The following AAGAB variants were observed in gnomAD, a reference collection of about 807,000 sequenced individuals.
AAGAB encodes the protein alpha and gamma adaptin binding protein, also known as alpha- and gamma-adaptin-binding protein p34.
AAGAB carries 38 observed loss-of-function variants against 44.1 expected under a neutral mutation model. The ratio of observed to expected loss-of-function variants is 0.86; its 90% CI spans 0.67 to 1.13. The LOEUF is 1.13. Among genes scored for constraint, AAGAB ranks in the 50% most tolerant of loss-of-function variants. The pLI is 0.00. For synonymous variants in AAGAB, 131 were observed against 131.8 expected (o/e 0.99, Z 0.04); for missense variants, 450 against 373.8 (o/e 1.20, Z -1.68).
intron 5 of AAGAB, among the ~76,000 whole-genome samples, chr15:67,230,161 G>T (rs1385052829): frequency 6.6e-6 from 1 of 151,918 alleles, no homozygotes; most frequent in South Asian, 2.1e-4. Context: ...TGTAAAATAT[G>T]ATTTTTCTCA....
chr15:67,236,888 C>A, intron 1 of AAGAB, 68 bp from the exon 2 acceptor site: 2 of 1,256,216 alleles, frequency 1.6e-6, no homozygotes, highest in Non-Finnish European at 1.1e-6. Flanking sequence ...TTTTCTCAGT[C>A]AGATACCAGA....
At position 67,204,109 on chromosome 15, in the gene AAGAB, A is replaced by G. The variant is rs1285985510; in HGVS notation, c.755T>C (p.Leu252Pro). The stretch of plus-strand genomic sequence containing the variant: ...CTCCACATCTCCTCCTCCAGTGGTA[A>G]GACTGGCTAATTCTTGAATATCCAG... ...LDLDIQELASLTTGGGDVENF... is the reference protein window; with the variant it reads ...LDLDIQELASPTTGGGDVENF... The change falls in exon 8 of 10, where the codon CTT becomes CCT. Residue 252 changes from leucine (L) to proline (P), a missense_variant. Physicochemically the swap from Leu to Pro is moderately conservative, Grantham distance 98. Coordinates refer to ENST00000261880, the MANE Select transcript of AAGAB (RefSeq NM_024666.5). 2.5e-6 allele frequency: 4 copies of G among 1,612,158 alleles called. No individual in the cohort carries two copies. The highest frequency in any genetic ancestry group is 2.2e-5 in the East Asian group (1 of 44,888).
intron 1 of AAGAB, among the ~76,000 whole-genome samples, chr15:67,240,461 C>G (rs1391391573): frequency 6.6e-6 from 1 of 152,180 alleles, no homozygotes; most frequent in East Asian, 1.9e-4. Flanking sequence ...TGTAATACAT[C>G]ATTTTTTAAG....
intron 1 of AAGAB, among the ~76,000 whole-genome samples, chr15:67,247,454 A>C (rs1018095993): frequency 6.6e-6 from 1 of 152,236 alleles, no homozygotes; most frequent in Non-Finnish European, 1.5e-5. Context: ...GCCATACAAA[A>C]ACAAAGCAGT....
intron 5 of AAGAB, among the ~76,000 whole-genome samples, chr15:67,218,240 C>A (rs1289832832): frequency 6.6e-6 from 1 of 152,204 alleles, no homozygotes; most frequent in African/African-American, 2.4e-5. Flanking sequence ...TCCTTGCTCT[C>A]TCCTCCACGG....
chr15:67,231,790 T>C, intron 5 of AAGAB, 24 bp downstream of exon 5: 1 of 1,567,090 alleles, frequency 6.4e-7, no homozygotes, highest in Non-Finnish European at 8.8e-7. Flanking sequence ...AGGAAAAAAA[T>C]GACTTGAGTC....
intron 5 of AAGAB, chr15:67,220,645 T>C (rs773602651): frequency 2.6e-5 from 4 of 152,172 alleles, no homozygotes; most frequent in Non-Finnish European, 5.9e-5. Flanking sequence ...AAAATAATGC[T>C]CCTTATTAAG....
intron 5 of AAGAB, among the ~76,000 whole-genome samples, chr15:67,223,573 G>A (rs540512608): frequency 5.3e-5 from 8 of 152,068 alleles, no homozygotes; most frequent in South Asian, 2.1e-4. Context: ...GCCCCAATCT[G>A]AGCCATCACT....
At chr15:67,247,649 A>G (rs1964759432) in intron 1 of AAGAB, among the ~76,000 whole-genome samples, 1 of 152,172 alleles carries the variant, frequency 6.6e-6, no homozygotes, top group East Asian at 1.9e-4. Flanking sequence ...ATGAAAGGAC[A>G]CCTTATAATC....
intron 4 of AAGAB, among the ~76,000 whole-genome samples, chr15:67,233,526 G>A (rs572303469): frequency 3.3e-5 from 5 of 152,324 alleles, no homozygotes; most frequent in East Asian, 1.9e-4. Flanking sequence ...AAAGTTTCCC[G>A]AGTTTACAGA....
Position 67,204,104 on chromosome 15 carries a change from TG to T in AAGAB, c.759del (p.Thr254LeufsTer16). 6.2e-7 allele frequency: 1 copy of T among 1,612,560 alleles called. No individual in the cohort carries two copies. Among genetic ancestry groups the T allele is most frequent in the Non-Finnish European group, 8.5e-7 (1 of 1,178,816 alleles). Reference sequence around the variant, plus strand: ...AAATTCTCCACATCTCCTCCTCCAGTGGTAAGACTGGCTAATTCTTGAATAT... The same window carrying T: ...AAATTCTCCACATCTCCTCCTCCAGTGTAAGACTGGCTAATTCTTGAATAT... The part of the protein sequence containing the change: ...DLDIQELASL[T>X]TGGGDVENFE... On this transcript the variant is annotated frameshift_variant, in exon 8 of 10. Transcript: ENST00000261880. LOFTEE classifies it high-confidence loss of function.
upstream of AAGAB, chr15:67,254,924 C>T (rs377745050): frequency 2.0e-5 from 33 of 1,613,692 alleles, no homozygotes; most frequent in Non-Finnish European, 2.7e-5. Flanking sequence ...AAACCACGAC[C>T]CTGTCGGATC....
intron 1 of AAGAB, among the ~76,000 whole-genome samples, chr15:67,241,070 C>CACACACACAT (rs951354602): frequency 1.3e-5 from 2 of 148,628 alleles, no homozygotes; most frequent in African/African-American, 2.5e-5. Context: ...CACACACACA[C>CACACACACAT]ATTTTATCTA....
chr15:67,243,996 T>G (rs116935199), intron 1 of AAGAB, among the ~76,000 whole-genome samples: 5 of 152,296 alleles, frequency 3.3e-5, no homozygotes, highest in Non-Finnish European at 2.9e-5. Context: ...TAAAAATAAT[T>G]TTCATATTCA....
At chr15:67,236,888 C>T (rs1964484015) in intron 1 of AAGAB, 68 bp from the exon 2 acceptor site, 1 of 1,256,098 alleles carries the variant, frequency 8.0e-7, no homozygotes, top group South Asian at 1.5e-5. Context: ...TTTTCTCAGT[C>T]AGATACCAGA....
chr15:67,221,137 ATTTCAGTCTCCCTGAGGTAAACC>A (rs1964056167), intron 5 of AAGAB: 1 of 152,172 alleles, frequency 6.6e-6, no homozygotes, highest in Non-Finnish European at 1.5e-5. Flanking sequence ...CCCCTTGGTC[ATTTCAGTCTCCCTGAGGTAAACC>A]TTTCCCAATT....
chr15:67,214,744 C>T (rs1014143367), intron 5 of AAGAB, among the ~76,000 whole-genome samples: 13 of 151,890 alleles, frequency 8.6e-5, no homozygotes, highest in Non-Finnish European at 1.5e-4. Flanking sequence ...GGGTTCAGGC[C>T]GTTCTCCTGC....
intron 1 of AAGAB, among the ~76,000 whole-genome samples, chr15:67,246,255 C>A (rs2140394949): frequency 6.6e-6 from 1 of 152,086 alleles, no homozygotes; most frequent in South Asian, 2.1e-4. Context: ...GTGGCATGAG[C>A]CTGTAGTCCC....
At position 67,204,139 on chromosome 15, in the gene AAGAB, A is replaced by C. The variant is rs1963632887; in HGVS notation, c.725T>G (p.Leu242Ter). ...AQVDSIVDPM[L>*]DLDIQELASL... Reference sequence around the variant, plus strand: ...GGCTAATTCTTGAATATCCAGATCTAACATGGGATCTGAAATAGGGATTTG... The same window carrying C: ...GGCTAATTCTTGAATATCCAGATCTCACATGGGATCTGAAATAGGGATTTG... The change falls in exon 8 of 10, where the codon TTA becomes TGA. Residue 242 changes from leucine (L) to a stop codon, truncating the protein, a stop_gained. Transcript: ENST00000261880. LOFTEE classifies it high-confidence loss of function. The C allele has an allele frequency of 6.3e-7, 1 of 1,599,616 alleles. No individual in the cohort carries two copies. Among genetic ancestry groups the C allele is most frequent in the Non-Finnish European group, 8.6e-7 (1 of 1,167,526 alleles).
Sources: allele counts gnomAD v4.1 joint callset (sites outside exome capture counted in the v4.1 genomes callset), GRCh38; gene constraint gnomAD v4.1.1; transcripts MANE v1.5; gene names NCBI Gene and HGNC (gene_info 2026-07-23, HGNC 2026-07-21).